Variants in TSHZ3 observed in about 807,000 individuals in gnomAD.
The protein encoded by TSHZ3 is teashirt zinc finger homeobox 3.
A neutral mutation model predicts 64.5 loss-of-function variants in TSHZ3; 10 were observed. That is an observed-to-expected ratio of 0.16 (90% CI 0.10 to 0.26). The LOEUF is 0.26. TSHZ3 is among the 10% of genes least tolerant of loss of function. TSHZ3 has a pLI of 1.00. For synonymous variants in TSHZ3, 608 were observed against 593.1 expected (o/e 1.03, Z -0.36); for missense variants, 1,242 against 1,421.7 (o/e 0.87, Z 2.03).
intron 5 of TSHZ3, among the ~76,000 whole-genome samples, chr19:31,189,110 G>A (rs958938279): frequency 6.6e-6 from 1 of 151,710 alleles, no homozygotes; most frequent in Non-Finnish European, 1.5e-5. Flanking sequence ...TTTATTTCTA[G>A]TGATCATCCT....
intron 1 of TSHZ3, among the ~76,000 whole-genome samples, chr19:31,326,230 T>C (rs1055199639): frequency 6.6e-6 from 1 of 152,254 alleles, no homozygotes; most frequent in Admixed American, 6.5e-5. Flanking sequence ...CCAACATAAA[T>C]ATCTAGAAGA....
At chr19:31,317,060 A>C (rs964123391) in intron 1 of TSHZ3, among the ~76,000 whole-genome samples, 22 of 152,300 alleles carry the variant, frequency 1.4e-4, no homozygotes, top group Admixed American at 5.9e-4. Flanking sequence ...CAAAGAAAGG[A>C]CCACGGGAGT....
In TSHZ3 at chr19:31,255,081, G is replaced by C. The variant is rs76224333; in HGVS notation, n.64-12206C>G. ...GAGACTCTGATCAGACAAAGAATCA[G>C]CTTTTGGTTCCATGCTTTCCTGGCT... On this transcript the variant is annotated intron_variant and non_coding_transcript_variant, in intron 1 of 6. Transcript: ENST00000651361. Among the ~76,000 whole-genome samples, 17 of 152,350 alleles carry C rather than the reference G, an allele frequency of 1.1e-4. No individual in the cohort carries two copies. In the East Asian group the frequency reaches 3.3e-3, roughly 29 times the overall value.
chr19:31,158,615 A>G (rs532177961), intron 5 of TSHZ3, among the ~76,000 whole-genome samples: 1 of 152,220 alleles, frequency 6.6e-6, no homozygotes, highest in African/African-American at 2.4e-5. Flanking sequence ...CAAAAATACT[A>G]TATTTATTGT....
chr19:31,346,714 C>T (rs1917602258), intron 1 of TSHZ3, among the ~76,000 whole-genome samples: 1 of 151,892 alleles, frequency 6.6e-6, no homozygotes, highest in South Asian at 2.1e-4. Flanking sequence ...TGGCATGAAC[C>T]TTATAACTTG....
At chr19:31,152,660 G>A (rs1403831777) in intron 6 of TSHZ3, among the ~76,000 whole-genome samples, 1 of 152,130 alleles carries the variant, frequency 6.6e-6, no homozygotes, top group Admixed American at 6.5e-5. Context: ...GATTAGGGAT[G>A]GAGTAGAACC....
chr19:31,209,410 T>C (rs1975231004), intron 4 of TSHZ3, among the ~76,000 whole-genome samples: 1 of 152,116 alleles, frequency 6.6e-6, no homozygotes, highest in Non-Finnish European at 1.5e-5. Context: ...AGATCCAGGA[T>C]TCAGATCATC....
At chr19:31,349,974 T>TCCGCCC (rs1483391057), upstream of TSHZ3, among the ~76,000 whole-genome samples, 1 of 65,794 alleles carries the variant, frequency 1.5e-5, no homozygotes, top group Non-Finnish European at 3.1e-5. Flanking sequence ...CCCCTCCGCC[T>TCCGCCC]CCGCCCCGTG....
At chr19:31,301,592 G>C (rs747159269) in intron 1 of TSHZ3, among the ~76,000 whole-genome samples, 2 of 152,134 alleles carry the variant, frequency 1.3e-5, no homozygotes, top group African/African-American at 4.8e-5. Flanking sequence ...GCTGGGCATC[G>C]TCATAGAGCA....
At chr19:31,177,205 C>A (rs566530292) in intron 5 of TSHZ3, among the ~76,000 whole-genome samples, 4 of 152,166 alleles carry the variant, frequency 2.6e-5, no homozygotes, top group Non-Finnish European at 5.9e-5. Context: ...TGGACCATGG[C>A]GCCTTCATAC....
At chr19:31,235,127 G>A (rs1975588518) in intron 3 of TSHZ3, among the ~76,000 whole-genome samples, 1 of 152,140 alleles carries the variant, frequency 6.6e-6, no homozygotes, top group African/African-American at 2.4e-5. Context: ...TATATATCAT[G>A]AAATGATCCC....
At chr19:31,241,295 TG>T (rs1975685535) in intron 3 of TSHZ3, among the ~76,000 whole-genome samples, 1 of 152,214 alleles carries the variant, frequency 6.6e-6, no homozygotes, top group South Asian at 2.1e-4. Context: ...AAACTCTTGT[TG>T]GGGCTTCAAT....
chr19:31,270,095 C>T (rs1313599903), downstream of TSHZ3, among the ~76,000 whole-genome samples: 7 of 152,192 alleles, frequency 4.6e-5, no homozygotes, highest in Non-Finnish European at 8.8e-5. Flanking sequence ...GGAGAATGAT[C>T]GGCAACTTCA....
intron 5 of TSHZ3, among the ~76,000 whole-genome samples, chr19:31,169,142 G>T (rs1002413846): frequency 6.6e-6 from 1 of 151,714 alleles, no homozygotes; most frequent in East Asian, 1.9e-4. Context: ...GAGAGAGAGA[G>T]ACTAGTTGTT....
At chr19:31,315,412 G>T (rs1265398129) in intron 1 of TSHZ3, among the ~76,000 whole-genome samples, 2 of 152,110 alleles carry the variant, frequency 1.3e-5, no homozygotes, top group Non-Finnish European at 2.9e-5. Flanking sequence ...TTGGCTGGGG[G>T]TACTCAGGAA....
chr19:31,304,104 A>T (rs900709978), intron 1 of TSHZ3, among the ~76,000 whole-genome samples: 2 of 151,928 alleles, frequency 1.3e-5, no homozygotes, highest in African/African-American at 4.8e-5. Flanking sequence ...CCTCCTGAGT[A>T]GCTGGGATTA....
exon 7 of TSHZ3, among the ~76,000 whole-genome samples, chr19:31,151,025 G>A (rs940757504): frequency 7.2e-5 from 11 of 152,154 alleles, no homozygotes; most frequent in Admixed American, 3.3e-4. Context: ...AGTCATAAAC[G>A]AAATAAGAGT....
intron 4 of TSHZ3, among the ~76,000 whole-genome samples, chr19:31,213,031 C>T (rs922467229): frequency 6.6e-6 from 1 of 151,902 alleles, no homozygotes; most frequent in African/African-American, 2.4e-5. Flanking sequence ...TTCAACCATA[C>T]GACATTCTGG....
chr19:31,280,081 A>G (rs1396008721), intron 1 of TSHZ3, among the ~76,000 whole-genome samples: 1 of 152,210 alleles, frequency 6.6e-6, no homozygotes, highest in African/African-American at 2.4e-5. Context: ...ATTCATTTCT[A>G]AAGTAATAAA....
Sources: gnomAD v4.1 joint callset for allele counts (sites outside exome capture counted in the v4.1 genomes callset) on GRCh38, gnomAD v4.1.1 for gene constraint, MANE v1.5 for transcripts, NCBI Gene and HGNC (gene_info 2026-07-23, HGNC 2026-07-21) for gene names.